PARD3: variants seen among roughly 807,000 people sequenced by gnomAD.
PARD3 encodes the protein partitioning defective 3 homolog.
A neutral mutation model predicts 155.4 loss-of-function variants in PARD3; 75 were observed. The observed-to-expected ratio is 0.48, with a 90% confidence interval of 0.40 to 0.58. The LOEUF (loss-of-function observed/expected upper bound fraction) is 0.58, where lower values mean the gene tolerates loss of function less well. PARD3 is among the 20% of genes least tolerant of loss of function. The probability of loss-of-function intolerance (pLI) is 0.00; values close to 1 mark genes in which losing one functional copy is unlikely to be tolerated. For synonymous variants in PARD3, 576 were observed against 610.5 expected (o/e 0.94, Z 0.83); for missense variants, 1,642 against 1,721.7 (o/e 0.95, Z 0.82).
At chr10:34,812,268 CTTGG>C (rs1844278563) in intron 1 of PARD3, among the ~76,000 whole-genome samples, 1 of 152,048 alleles carries the variant, frequency 6.6e-6, no homozygotes, top group Non-Finnish European at 1.5e-5. Context: ...TTATTTTTGG[CTTGG>C]TTGGTTATTA....
intron 2 of PARD3, among the ~76,000 whole-genome samples, chr10:34,613,545 A>G (rs909527324): frequency 6.6e-5 from 10 of 152,348 alleles, no homozygotes; most frequent in African/African-American, 2.4e-4. Context: ...CACATGGTCC[A>G]GCTTACAATT....
chr10:34,625,127 A>G (rs773714505), intron 2 of PARD3, among the ~76,000 whole-genome samples: 3 of 152,226 alleles, frequency 2.0e-5, no homozygotes, highest in Non-Finnish European at 2.9e-5. Context: ...TCAAGGATCT[A>G]TAAGACAGAG....
At chr10:34,509,737 T>C (rs2081290939) in intron 3 of PARD3, among the ~76,000 whole-genome samples, 1 of 152,152 alleles carries the variant, frequency 6.6e-6, no homozygotes, top group African/African-American at 2.4e-5. Flanking sequence ...CCTGAATAGC[T>C]CTTCTGCTTT....
At chr10:34,454,331 G>C (rs1292228439) in intron 4 of PARD3, among the ~76,000 whole-genome samples, 2 of 151,974 alleles carry the variant, frequency 1.3e-5, no homozygotes, top group Admixed American at 6.6e-5. Flanking sequence ...AGCATACAAT[G>C]TATTAAATAT....
At chr10:34,631,452 T>G (rs2092266012) in intron 2 of PARD3, among the ~76,000 whole-genome samples, 1 of 152,180 alleles carries the variant, frequency 6.6e-6, no homozygotes, top group Admixed American at 6.5e-5. Flanking sequence ...AGAGCCTCGT[T>G]TCTCATTTCT....
chr10:34,198,066 T>C (rs1951033052), intron 22 of PARD3, among the ~76,000 whole-genome samples: 2 of 152,168 alleles, frequency 1.3e-5, no homozygotes, highest in South Asian at 4.1e-4. Flanking sequence ...AAGTGAAAAA[T>C]GGTTTTCGGA....
chr10:34,800,111 C>T (rs1368768532), intron 1 of PARD3, among the ~76,000 whole-genome samples: 1 of 150,378 alleles, frequency 6.6e-6, no homozygotes, highest in Non-Finnish European at 1.5e-5. Context: ...GTCTGGGTGA[C>T]AGAGCAAGAC....
intron 1 of PARD3, among the ~76,000 whole-genome samples, chr10:34,696,995 G>GACACACAC (rs35717875): frequency 4.2e-5 from 6 of 143,894 alleles, no homozygotes; most frequent in East Asian, 4.1e-4. Flanking sequence ...GAGACAAAAT[G>GACACACAC]ACACACACAC....
chr10:34,721,300 T>C (rs1021724143), intron 1 of PARD3, among the ~76,000 whole-genome samples: 1 of 152,208 alleles, frequency 6.6e-6, no homozygotes, highest in Non-Finnish European at 1.5e-5. Flanking sequence ...AATTAAGTTA[T>C]TTCCTTCCTG....
chr10:34,286,696 T>G (rs1352567128), intron 20 of PARD3, among the ~76,000 whole-genome samples: 1 of 152,202 alleles, frequency 6.6e-6, no homozygotes, highest in African/African-American at 2.4e-5. Context: ...CACATGGATT[T>G]TGGATTTTAC....
chr10:34,514,818 T>C (rs1002116847), intron 3 of PARD3, among the ~76,000 whole-genome samples: 1 of 152,144 alleles, frequency 6.6e-6, no homozygotes, highest in Non-Finnish European at 1.5e-5. Flanking sequence ...AAGGTAAAAA[T>C]TGACGGAAAG....
intron 5 of PARD3, among the ~76,000 whole-genome samples, chr10:34,407,780 G>GT (rs2132267208): frequency 6.6e-6 from 1 of 151,854 alleles, no homozygotes; most frequent in Non-Finnish European, 1.5e-5. Context: ...GCTGCAGTGA[G>GT]TTATGTTCAT....
intron 20 of PARD3, among the ~76,000 whole-genome samples, chr10:34,314,781 AGT>A (rs1218760965): frequency 1.3e-5 from 2 of 152,204 alleles, no homozygotes; most frequent in Non-Finnish European, 2.9e-5. Context: ...ATCATAGTAA[AGT>A]ATAGCAAAAA....
At chr10:34,210,499 G>GT (rs1237953539) in intron 22 of PARD3, among the ~76,000 whole-genome samples, 2 of 152,090 alleles carry the variant, frequency 1.3e-5, no homozygotes, top group African/African-American at 4.8e-5. Flanking sequence ...TGGAGTATAC[G>GT]TAACAGCTCA....
chr10:34,322,766 T>C (rs1958455338), intron 19 of PARD3, among the ~76,000 whole-genome samples: 1 of 152,200 alleles, frequency 6.6e-6, no homozygotes, highest in Non-Finnish European at 1.5e-5. Flanking sequence ...AGCAATTAAA[T>C]GAAGGACTGA....
At chr10:34,808,527 G>A (rs1356338253) in intron 1 of PARD3, among the ~76,000 whole-genome samples, 1 of 152,168 alleles carries the variant, frequency 6.6e-6, no homozygotes. Flanking sequence ...AATGTTGAGC[G>A]AGTGGCCAAG....
At chr10:34,335,654 T>C (rs1589220575) in intron 18 of PARD3, among the ~76,000 whole-genome samples, 1 of 152,088 alleles carries the variant, frequency 6.6e-6, no homozygotes, top group Non-Finnish European at 1.5e-5. Context: ...ATATGCATTA[T>C]ATAGTCTAAT....
chr10:34,778,895 A>T (rs566854344), intron 1 of PARD3, among the ~76,000 whole-genome samples: 5 of 152,236 alleles, frequency 3.3e-5, no homozygotes, highest in Admixed American at 6.5e-5. Flanking sequence ...AAGGACTGAC[A>T]AACAGCAGCT....
intron 7 of PARD3, among the ~76,000 whole-genome samples, chr10:34,386,777 G>A (rs183511572): frequency 2.2e-3 from 332 of 149,168 alleles, no homozygotes; most frequent in African/African-American, 8.0e-3. Flanking sequence ...AGCCGAGATC[G>A]CGCCACTGCA....
Sources: gnomAD v4.1 joint callset for allele counts (sites outside exome capture counted in the v4.1 genomes callset) on GRCh38, gnomAD v4.1.1 for gene constraint, MANE v1.5 for transcripts, NCBI Gene and HGNC (gene_info 2026-07-23, HGNC 2026-07-21) for gene names.